The following STXBP6 variants were observed in gnomAD, a reference collection of about 807,000 sequenced individuals.
The protein encoded by STXBP6 is syntaxin binding protein 6.
STXBP6 carries 21 observed loss-of-function variants against 26.9 expected under a neutral mutation model. The ratio of observed to expected loss-of-function variants is 0.78; its 90% confidence interval spans 0.55 to 1.12. The LOEUF (loss-of-function observed/expected upper bound fraction) is 1.12. STXBP6 is among the 50% of genes most tolerant of loss of function. The probability of loss-of-function intolerance (pLI) is 0.00; values close to 1 mark genes in which losing one functional copy is unlikely to be tolerated. For missense variants in STXBP6, 232 were observed against 257.9 expected (o/e 0.90, Z 0.69); for synonymous variants, 97 against 92.6 (o/e 1.05, Z -0.27).
At chr14:24,970,165 C>T (rs1260934969) in intron 2 of STXBP6, among the ~76,000 whole-genome samples, 2 of 151,496 alleles carry the variant, frequency 1.3e-5, no homozygotes, top group African/African-American at 4.9e-5. Flanking sequence ...TGCTTGAACC[C>T]GGGAGGTGGA....
chr14:24,976,741 TCTCA>T (rs1201031369), intron 1 of STXBP6, among the ~76,000 whole-genome samples: 1 of 151,872 alleles, frequency 6.6e-6, no homozygotes, highest in Non-Finnish European at 1.5e-5. Flanking sequence ...GCCACTTGCC[TCTCA>T]CTATTTGGGT....
chr14:24,912,844 T>C (rs1295759852), intron 2 of STXBP6, among the ~76,000 whole-genome samples: 1 of 152,228 alleles, frequency 6.6e-6, no homozygotes, highest in Non-Finnish European at 1.5e-5. Flanking sequence ...TTGCCTTTTT[T>C]TCATTTTTCT....
intron 4 of STXBP6, among the ~76,000 whole-genome samples, chr14:24,831,626 C>G (rs1019343759): frequency 8.5e-5 from 13 of 152,100 alleles, no homozygotes; most frequent in African/African-American, 3.1e-4. Flanking sequence ...ATGAGGCTTA[C>G]TATCCTTTAC....
chr14:24,965,907 A>T (rs1595208128), intron 2 of STXBP6, among the ~76,000 whole-genome samples: 1 of 152,344 alleles, frequency 6.6e-6, no homozygotes, highest in Admixed American at 6.5e-5. Flanking sequence ...GGCTTAAAAC[A>T]GTGCCTTCTT....
At chr14:24,844,575 A>G (rs2068889135) in intron 4 of STXBP6, among the ~76,000 whole-genome samples, 1 of 152,164 alleles carries the variant, frequency 6.6e-6, no homozygotes, top group Admixed American at 6.5e-5. Flanking sequence ...AGAGAATTGG[A>G]GAGTTACTTG....
In STXBP6 at chr14:24,958,613, A is replaced by T. The variant is rs959182733; in HGVS notation, c.154+16052T>A. Reference sequence around the variant, plus strand: ...GGAAGGCTGGCTACACAGTAATTTTAAAAAAACACCATAAATACACTTTTT... The same window carrying T: ...GGAAGGCTGGCTACACAGTAATTTTTAAAAAACACCATAAATACACTTTTT... On this transcript the variant is annotated intron_variant, in intron 2 of 5. Transcript: ENST00000323944. Among the ~76,000 whole-genome samples the T allele has an allele frequency of 7.9e-5, 12 of 152,190 alleles. 1 individual carries two copies. Among genetic ancestry groups the T allele is most frequent in the Admixed American group, 1.3e-4 (2 of 15,284 alleles).
Position 25,045,605 on chromosome 14 carries a change from C to CT in STXBP6, c.-33+4272dup, listed in dbSNP as rs397700377. Among the ~76,000 whole-genome samples, 1,050 of 107,744 alleles carry CT rather than the reference C, an allele frequency of 9.7e-3. 11 individuals carry two copies. Among genetic ancestry groups the CT allele is most frequent in the Middle Eastern group, 0.023 (5 of 214 alleles). 70.7% of individuals were successfully genotyped at this position (107,744 alleles called of 152,430 possible). On this transcript the variant is annotated intron_variant, in intron 1 of 5. Transcript: ENST00000323944. ...TGCGTTCATACTTTTTTTTTCTTTT[C>CT]TTTTTTTTTTTTTTTGAGATGGAGA...
At chr14:25,028,764 A>G (rs2075395788) in intron 1 of STXBP6, among the ~76,000 whole-genome samples, 2 of 152,270 alleles carry the variant, frequency 1.3e-5, no homozygotes, top group Admixed American at 6.5e-5. Flanking sequence ...TTCTAAAAGG[A>G]GTCACCATTC....
Position 24,811,464 on chromosome 14 carries a change from A to G in STXBP6, c.*1245T>C, listed in dbSNP as rs2067822357. The stretch of plus-strand genomic sequence containing the variant: ...AAAAAGCACAGCTTTTTTTATGTTT[A>G]GCATTTTAACCCTCTAGGAAACAGA... On this transcript the variant is annotated 3_prime_UTR_variant, in exon 6 of 6. Transcript: ENST00000323944. 6.6e-6 allele frequency: 1 copy of G among 152,162 alleles called. No homozygotes were observed. The highest frequency in any genetic ancestry group is 2.1e-4 in the South Asian group (1 of 4,828). The allele number at this position is 152,162 out of a possible 1,614,324, so 9.4% of individuals were successfully genotyped here.
At chr14:24,947,711 T>G (rs912826938) in intron 2 of STXBP6, among the ~76,000 whole-genome samples, 28 of 152,130 alleles carry the variant, frequency 1.8e-4, no homozygotes, top group Admixed American at 1.8e-3. Flanking sequence ...GATAAGAATG[T>G]GTAATATTAT....
intron 2 of STXBP6, among the ~76,000 whole-genome samples, chr14:24,925,006 G>A (rs1293241097): frequency 6.6e-6 from 1 of 152,098 alleles, no homozygotes; most frequent in Non-Finnish European, 1.5e-5. Flanking sequence ...TACCCACATG[G>A]CTATCAGGTT....
intron 4 of STXBP6, among the ~76,000 whole-genome samples, 161 bp downstream of exon 4, chr14:24,855,774 CA>C (rs1412587355): frequency 6.6e-6 from 1 of 151,986 alleles, no homozygotes; most frequent in Non-Finnish European, 1.5e-5. Flanking sequence ...CTAAATTTAC[CA>C]TACAATAAAC....
chr14:24,848,022 C>T (rs1001455773), intron 4 of STXBP6, among the ~76,000 whole-genome samples: 1 of 152,080 alleles, frequency 6.6e-6, no homozygotes, highest in Non-Finnish European at 1.5e-5. Context: ...TTCTTTTCCC[C>T]CCAATTCTTA....
chr14:24,820,219 T>C (rs2068098072), intron 4 of STXBP6, among the ~76,000 whole-genome samples: 1 of 152,234 alleles, frequency 6.6e-6, no homozygotes, highest in African/African-American at 2.4e-5. Flanking sequence ...CATTTAACTT[T>C]GTACCTGGGA....
chr14:25,008,408 C>T (rs1438840986), intron 1 of STXBP6, among the ~76,000 whole-genome samples: 2 of 152,016 alleles, frequency 1.3e-5, no homozygotes, highest in African/African-American at 4.8e-5. Context: ...TGCTTGAGCC[C>T]AAGAGGTCGA....
intron 2 of STXBP6, among the ~76,000 whole-genome samples, chr14:24,955,055 T>G (rs1461423979): frequency 6.6e-6 from 1 of 152,220 alleles, no homozygotes; most frequent in Admixed American, 6.5e-5. Flanking sequence ...TGTAAGCTGC[T>G]TAGTCTAGTA....
At chr14:24,976,683 A>T (rs1417911466) in intron 1 of STXBP6, among the ~76,000 whole-genome samples, 4 of 151,636 alleles carry the variant, frequency 2.6e-5, no homozygotes, top group Non-Finnish European at 5.9e-5. Flanking sequence ...ACTTTTATTT[A>T]TTTTTTTTAA....
intron 2 of STXBP6, among the ~76,000 whole-genome samples, chr14:24,931,117 C>CAAAA (rs749625860): frequency 1.3e-4 from 3 of 23,326 alleles, no homozygotes; most frequent in African/African-American, 3.1e-4. Context: ...GACTCCGTCT[C>CAAAA]AAAAAAAAAA....
At position 24,920,031 on chromosome 14, in the gene STXBP6, A is replaced by C. The variant is rs1020929906; in HGVS notation, c.154+54634T>G. Among the ~76,000 whole-genome samples the C allele has an allele frequency of 4.6e-5, 7 of 152,102 alleles. 2 individuals carry two copies. Among genetic ancestry groups the C allele is most frequent in the Admixed American group, 3.9e-4 (6 of 15,258 alleles). On this transcript the variant is annotated intron_variant, in intron 2 of 5. Coordinates refer to ENST00000323944, the MANE Select transcript of STXBP6 (RefSeq NM_001394410.1). ...TAGCTTTCCAGAGGTTTTGATATCC[A>C]AAAATTTCCAATGTCATTGTGATTC...
Sources: gnomAD v4.1 joint callset for allele counts (sites outside exome capture counted in the v4.1 genomes callset) on GRCh38, gnomAD v4.1.1 for gene constraint, MANE v1.5 for transcripts, NCBI Gene and HGNC (gene_info 2026-07-23, HGNC 2026-07-21) for gene names.